The following KNDC1 variants were observed in gnomAD, a reference collection of about 807,000 sequenced individuals.
KNDC1 encodes the protein kinase non-catalytic C-lobe domain containing 1, also known as kinase non-catalytic C-lobe domain-containing protein 1.
KNDC1 carries 106 observed loss-of-function variants against 172.8 expected under a neutral mutation model. The ratio of observed to expected loss-of-function variants is 0.61; its 90% CI spans 0.52 to 0.72. The LOEUF (loss-of-function observed/expected upper bound fraction) is 0.72. Ranked by LOEUF, KNDC1 falls within the 30% of genes least tolerant of loss-of-function variation. The pLI is 0.00. For missense variants in KNDC1, 2,325 were observed against 2,394.5 expected (o/e 0.97, Z 0.61); for synonymous variants, 1,083 against 1,062.2 (o/e 1.02, Z -0.38).
chr10:133,164,427 C>T (rs536601877), intron 1 of KNDC1, among the ~76,000 whole-genome samples: 3 of 152,308 alleles, frequency 2.0e-5, no homozygotes, highest in Non-Finnish European at 2.9e-5. Context: ...TGGAAAGTCA[C>T]GAGGCCCCAG....
chr10:133,168,497 C>A lies in KNDC1; in HGVS notation c.360+185C>A, dbSNP rs557307625. The stretch of plus-strand genomic sequence containing the variant: ...CCTCTGGGGCACACCCGGCTTCGTC[C>A]CCTGCAGCGTTCTCTGTGGGCAGCT... On this transcript the variant is annotated intron_variant, in intron 3 of 29. Coordinates refer to ENST00000304613, the MANE Select transcript of KNDC1 (RefSeq NM_152643.8). 8.5e-5 allele frequency among the ~76,000 whole-genome samples: 13 copies of A among 152,170 alleles called. No homozygotes were observed. In the South Asian group the frequency reaches 2.7e-3, roughly 32 times the overall value.
At position 133,201,799 on chromosome 10, in the gene KNDC1, C is replaced by G; in HGVS notation, c.3288C>G (p.Ala1096=). The G allele has an allele frequency of 1.3e-6, 2 of 1,524,248 alleles. No homozygotes were observed. Among genetic ancestry groups the G allele is most frequent in the Non-Finnish European group, 1.8e-6 (2 of 1,138,704 alleles). The allele number at this position is 1,524,248 out of a possible 1,614,324, so 94.4% of individuals were successfully genotyped here. A position where few individuals can be genotyped will look rare whatever the true frequency, so the allele number is the denominator to read the frequency against. The change falls in exon 17 of 30, where the codon GCC becomes GCG. Residue 1096 remains alanine (A), a synonymous_variant. Transcript: ENST00000304613. ...GCTGCAGCCCCGGCTGGTGCAGCGC[C>G]TTCTACGAGGCCGACTGCTTCGGGG... ...FQSCSPGWCS[A]FYEADCFGAD... is the part of the protein sequence containing the mutation.
chr10:133,200,010 G>T (rs561599990), intron 15 of KNDC1, among the ~76,000 whole-genome samples: 10 of 152,196 alleles, frequency 6.6e-5, no homozygotes, highest in African/African-American at 2.2e-4. Context: ...AGCTGTGTTG[G>T]GTGGGGCGGC....
chr10:133,202,341 G>A, intron 17 of KNDC1: 2 of 461,326 alleles, frequency 4.3e-6, no homozygotes, highest in Non-Finnish European at 8.6e-6. Flanking sequence ...GCTGCAGCCT[G>A]GTCCGGGCTT....
At chr10:133,221,495 C>T (rs1407554870) in intron 29 of KNDC1, among the ~76,000 whole-genome samples, 2 of 152,164 alleles carry the variant, frequency 1.3e-5, no homozygotes, top group South Asian at 2.1e-4. Flanking sequence ...TCACTCTCTC[C>T]CTCAAGACAC....
chr10:133,173,387 C>T (rs1473150225), intron 3 of KNDC1, among the ~76,000 whole-genome samples: 1 of 152,156 alleles, frequency 6.6e-6, no homozygotes, highest in Non-Finnish European at 1.5e-5. Context: ...TCTTCCTTTC[C>T]AATATCAGTA....
chr10:133,178,584 C>G (rs183427041), intron 3 of KNDC1, among the ~76,000 whole-genome samples: 8 of 152,134 alleles, frequency 5.3e-5, no homozygotes, highest in African/African-American at 1.2e-4. Flanking sequence ...TCCGGTCCCC[C>G]CTCTGCTGCC....
intron 5 of KNDC1, among the ~76,000 whole-genome samples, chr10:133,184,510 TTCACTCTTGC>T (rs1193447467): frequency 6.6e-6 from 1 of 152,206 alleles, no homozygotes; most frequent in African/African-American, 2.4e-5. Context: ...TACACACATA[TTCACTCTTGC>T]TCACAGTCAC....
At chr10:133,215,795 C>T (rs1050123212) in intron 26 of KNDC1, among the ~76,000 whole-genome samples, 2 of 152,252 alleles carry the variant, frequency 1.3e-5, no homozygotes, top group African/African-American at 4.8e-5. Context: ...GGTCACGCAC[C>T]CGTGTACAGG....
intron 22 of KNDC1, 33 bp from the exon 23 acceptor site, chr10:133,211,646 C>G (rs1196997876): frequency 1.3e-6 from 2 of 1,589,924 alleles, no homozygotes; most frequent in African/African-American, 1.3e-5. Flanking sequence ...CAGAAGGTGG[C>G]AGTGACCCCC....
At chr10:133,221,389 G>C (rs550414812) in intron 29 of KNDC1, among the ~76,000 whole-genome samples, 5 of 150,106 alleles carry the variant, frequency 3.3e-5, no homozygotes, top group African/African-American at 1.2e-4. Context: ...GGCCACACAG[G>C]CTCTTCCACC....
At chr10:133,194,728 G>T (rs1040925111) in intron 9 of KNDC1, among the ~76,000 whole-genome samples, 1 of 152,212 alleles carries the variant, frequency 6.6e-6, no homozygotes, top group Non-Finnish European at 1.5e-5. Context: ...AGTCAGCCAC[G>T]TGGGAGTACT....
chr10:133,201,544 C>CT lies in KNDC1; in HGVS notation c.3034dup (p.Cys1012LeufsTer38). 5 of 1,611,324 alleles carry CT rather than the reference C, an allele frequency of 3.1e-6. No individual in the cohort carries two copies. Among genetic ancestry groups the CT allele is most frequent in the Non-Finnish European group, 4.2e-6 (5 of 1,179,536 alleles). On this transcript the variant is annotated frameshift_variant, in exon 17 of 30. Coordinates refer to ENST00000304613, the MANE Select transcript of KNDC1 (RefSeq NM_152643.8). LOFTEE classifies it high-confidence loss of function. Reference sequence around the variant, plus strand: ...TGGCCAGGACCAGCAGCAGGGCCCCCTGCTCACCCACCTCGGTGTCGGATG... The same window carrying CT: ...TGGCCAGGACCAGCAGCAGGGCCCCCTTGCTCACCCACCTCGGTGTCGGATG...
chr10:133,215,827 G>A (rs765543346), intron 26 of KNDC1, among the ~76,000 whole-genome samples: 5 of 152,266 alleles, frequency 3.3e-5, no homozygotes, highest in East Asian at 1.9e-4. Context: ...GGCAAGAGTC[G>A]TGCAGGCTCA....
At chr10:133,169,029 A>G (rs1283143753) in intron 3 of KNDC1, among the ~76,000 whole-genome samples, 2 of 152,230 alleles carry the variant, frequency 1.3e-5, no homozygotes, top group Non-Finnish European at 2.9e-5. Context: ...GGAGTGGCCC[A>G]TTGGTGGTTC....
At chr10:133,167,109 C>A in intron 1 of KNDC1, 1 of 510,502 alleles carries the variant, frequency 2.0e-6, no homozygotes, top group Non-Finnish European at 3.6e-6. Flanking sequence ...GCCGAGCCTC[C>A]GGGAGGAAGG....
At chr10:133,189,369 A>G (rs1854015821) in intron 7 of KNDC1, among the ~76,000 whole-genome samples, 1 of 152,164 alleles carries the variant, frequency 6.6e-6, no homozygotes, top group Non-Finnish European at 1.5e-5. Flanking sequence ...CGCTGCAGCC[A>G]CTGTGTCGGC....
chr10:133,167,688 G>C, intron 2 of KNDC1, 109 bp downstream of exon 2: 1 of 1,237,210 alleles, frequency 8.1e-7, no homozygotes. Context: ...GAGCATGCCC[G>C]GACCCGGGTT....
chr10:133,187,500 G>A (rs1211594731), intron 6 of KNDC1, among the ~76,000 whole-genome samples: 8 of 152,256 alleles, frequency 5.3e-5, no homozygotes, highest in East Asian at 1.9e-4. Context: ...CGCCTGGCCC[G>A]GGGACGGGGG....
Sources: gnomAD v4.1 joint callset for allele counts (sites outside exome capture counted in the v4.1 genomes callset) on GRCh38, gnomAD v4.1.1 for gene constraint, MANE v1.5 for transcripts, NCBI Gene and HGNC (gene_info 2026-07-23, HGNC 2026-07-21) for gene names.